CDK14: variants seen among roughly 807,000 people sequenced by gnomAD.
The protein encoded by CDK14 is cyclin-dependent kinase 14.
Under a neutral mutation model 60.7 loss-of-function variants are expected in CDK14, and 34 were observed. The observed-to-expected ratio is 0.56, with a 90% CI of 0.43 to 0.75. The LOEUF (loss-of-function observed/expected upper bound fraction) is 0.75. CDK14 is among the 30% of genes least tolerant of loss of function. CDK14 has a pLI of 0.00. For missense variants in CDK14, 482 were observed against 564.1 expected (o/e 0.85, Z 1.47); for synonymous variants, 197 against 203.7 (o/e 0.97, Z 0.28).
intron 10 of CDK14, among the ~76,000 whole-genome samples, chr7:91,006,978 A>T (rs1437655803): frequency 6.6e-6 from 1 of 152,162 alleles, no homozygotes; most frequent in East Asian, 1.9e-4. Context: ...TTTTACTGTC[A>T]TGGAACGACA....
At chr7:90,920,388 A>G (rs535266489) in intron 8 of CDK14, among the ~76,000 whole-genome samples, 19 of 152,236 alleles carry the variant, frequency 1.2e-4, no homozygotes, top group Non-Finnish European at 2.1e-4. Flanking sequence ...TTAGAAAAAT[A>G]TATGAGGGAA....
intron 5 of CDK14, among the ~76,000 whole-genome samples, chr7:90,823,475 C>G (rs1178026751): frequency 3.9e-5 from 6 of 152,194 alleles, no homozygotes; most frequent in African/African-American, 1.4e-4. Flanking sequence ...GATGTACTTT[C>G]TCGTGGCACA....
intron 6 of CDK14, among the ~76,000 whole-genome samples, chr7:90,876,331 G>C (rs776330765): frequency 3.9e-5 from 6 of 152,162 alleles, no homozygotes; most frequent in Non-Finnish European, 8.8e-5. Context: ...TGGTGTCGCT[G>C]TCCCTAACTG....
At chr7:91,182,493 C>G (rs114224563) in intron 14 of CDK14, among the ~76,000 whole-genome samples, 1,872 of 151,944 alleles carry the variant, frequency 0.012, 31 homozygotes, top group South Asian at 0.023. Flanking sequence ...CCACCTCTGT[C>G]TCTCCTTCTC....
chr7:91,008,807 A>G (rs1584226069), intron 10 of CDK14, among the ~76,000 whole-genome samples: 1 of 152,268 alleles, frequency 6.6e-6, no homozygotes, highest in Non-Finnish European at 1.5e-5. Context: ...TCCATGTTAA[A>G]TTTTTACCTC....
chr7:90,873,207 C>T (rs1791434188), intron 6 of CDK14, among the ~76,000 whole-genome samples: 1 of 152,002 alleles, frequency 6.6e-6, no homozygotes, highest in African/African-American at 2.4e-5. Context: ...TTAGAGAAAG[C>T]TCCAGCTAAG....
At chr7:90,721,139 C>CA (rs1802436327) in intron 2 of CDK14, among the ~76,000 whole-genome samples, 1 of 152,144 alleles carries the variant, frequency 6.6e-6, no homozygotes, top group South Asian at 2.1e-4. Flanking sequence ...TACATCCACC[C>CA]ACCTGGTCTG....
chr7:90,635,057 T>C (rs1295753951), intron 2 of CDK14, among the ~76,000 whole-genome samples: 1 of 152,094 alleles, frequency 6.6e-6, no homozygotes, highest in Admixed American at 6.6e-5. Flanking sequence ...GAGTAGGTTG[T>C]GAAAATTTTC....
At chr7:90,833,657 A>G (rs1789991126) in intron 5 of CDK14, among the ~76,000 whole-genome samples, 1 of 152,226 alleles carries the variant, frequency 6.6e-6, no homozygotes, top group Non-Finnish European at 1.5e-5. Flanking sequence ...ATTGTTGGAT[A>G]AAGCACCAGA....
chr7:90,738,066 A>G (rs1473116992), intron 3 of CDK14, among the ~76,000 whole-genome samples: 2 of 152,210 alleles, frequency 1.3e-5, no homozygotes, highest in Non-Finnish European at 2.9e-5. Context: ...AATAGAAGAT[A>G]GACCGAAGCA....
chr7:90,613,081 T>TC (rs1287768967), intron 2 of CDK14, among the ~76,000 whole-genome samples: 5 of 152,180 alleles, frequency 3.3e-5, no homozygotes, highest in Non-Finnish European at 5.9e-5. Context: ...ATTTACCATC[T>TC]CCCTAATTAT....
chr7:90,617,411 C>T (rs1480088843), intron 2 of CDK14, among the ~76,000 whole-genome samples: 1 of 151,874 alleles, frequency 6.6e-6, no homozygotes, highest in East Asian at 1.9e-4. Flanking sequence ...AAACAAAGTT[C>T]TTACAAAGAA....
chr7:90,974,059 C>G (rs184950727), intron 9 of CDK14, among the ~76,000 whole-genome samples: 2 of 152,044 alleles, frequency 1.3e-5, no homozygotes, highest in African/African-American at 4.8e-5. Flanking sequence ...CTATAGACCT[C>G]CCCCCAGGAA....
intron 6 of CDK14, among the ~76,000 whole-genome samples, chr7:90,882,038 A>C (rs556974107): frequency 6.6e-6 from 1 of 152,328 alleles, no homozygotes; most frequent in East Asian, 1.9e-4. Flanking sequence ...ACTAGTGTGC[A>C]AAATAACCAA....
In CDK14 at chr7:90,709,889, A is replaced by G; in HGVS notation, c.124-16678A>G. 8 of 1,305,312 alleles carry G rather than the reference A, an allele frequency of 6.1e-6. No homozygotes were observed. In the South Asian group the frequency reaches 1.6e-4, roughly 26 times the overall value. 80.9% of individuals were successfully genotyped at this position (1,305,312 alleles called of 1,614,324 possible). On this transcript the variant is annotated intron_variant, in intron 2 of 14. Transcript: ENST00000380050. Reference sequence around the variant, plus strand: ...TTGCTGTATGAGCCTGGCCTGGTGCAAACACATTGCTAGAGACATGTTAAA... The same window carrying G: ...TTGCTGTATGAGCCTGGCCTGGTGCGAACACATTGCTAGAGACATGTTAAA...
intron 5 of CDK14, among the ~76,000 whole-genome samples, chr7:90,859,746 A>G (rs1246630245): frequency 5.3e-5 from 8 of 152,140 alleles, no homozygotes; most frequent in Admixed American, 2.0e-4. Flanking sequence ...CCCAAATTTC[A>G]TCATTTACAT....
chr7:90,821,522 A>G (rs926180947), intron 5 of CDK14, among the ~76,000 whole-genome samples: 16 of 152,234 alleles, frequency 1.1e-4, no homozygotes, highest in Non-Finnish European at 1.8e-4. Flanking sequence ...GGGCCTGGCT[A>G]TGAGCAACTC....
intron 12 of CDK14, among the ~76,000 whole-genome samples, chr7:91,080,358 A>G (rs1055335805): frequency 6.6e-6 from 1 of 152,220 alleles, no homozygotes; most frequent in Non-Finnish European, 1.5e-5. Context: ...GTGGACAGCT[A>G]ATGGCGAGGA....
At chr7:91,035,598 C>T (rs1353762021) in intron 10 of CDK14, among the ~76,000 whole-genome samples, 1 of 131,172 alleles carries the variant, frequency 7.6e-6, no homozygotes, top group African/African-American at 2.8e-5. Context: ...TCTGAATACA[C>T]TCCACAGAGG....
Sources: allele counts gnomAD v4.1 joint callset (sites outside exome capture counted in the v4.1 genomes callset), GRCh38; gene constraint gnomAD v4.1.1; transcripts MANE v1.5; gene names NCBI Gene and HGNC (gene_info 2026-07-23, HGNC 2026-07-21).